Variants in MARCHF4 observed in about 807,000 individuals in gnomAD.
MARCHF4 encodes E3 ubiquitin-protein ligase MARCHF4.
In MARCHF4, 14 loss-of-function variants were observed where a neutral mutation model predicts 43.9. The observed-to-expected ratio is 0.32, with a 90% CI of 0.21 to 0.50. MARCHF4 has a LOEUF of 0.50. Among genes scored for constraint, MARCHF4 ranks in the 20% least tolerant of loss-of-function variants. The pLI, the probability that MARCHF4 is intolerant of heterozygous loss-of-function variation, is 0.98. For missense variants in MARCHF4, 468 were observed against 536.7 expected (o/e 0.87, Z 1.27); for synonymous variants, 226 against 213.3 (o/e 1.06, Z -0.52).
Position 216,369,986 on chromosome 2 carries a change from C to A in MARCHF4, c.275G>T (p.Gly92Val). Residue 92 changes from glycine (G) to valine (V), a missense_variant, in exon 1 of 4, where the codon GGC becomes GTC. Gly to Val is a moderately radical substitution (Grantham distance 109). Transcript: ENST00000273067. Reference sequence around the variant, plus strand: ...CTCCCTGCCCACCACTTCTCGGGGGCCCCTCCAGCCTGCCCACCCCCCGGC... The same window carrying A: ...CTCCCTGCCCACCACTTCTCGGGGGACCCTCCAGCCTGCCCACCCCCCGGC... ...LGAGGWAGWR[G>V]PREVVGREPP... 6.5e-7 allele frequency: 1 copy of A among 1,545,334 alleles called. No individual in the cohort carries two copies. Among genetic ancestry groups the A allele is most frequent in the Non-Finnish European group, 8.8e-7 (1 of 1,141,508 alleles).
intron 3 of MARCHF4, among the ~76,000 whole-genome samples, chr2:216,268,317 G>A (rs568940303): frequency 1.6e-3 from 244 of 152,182 alleles, no homozygotes; most frequent in Non-Finnish European, 3.2e-3. Flanking sequence ...ATTAGTAGCC[G>A]ATATGGTTTG....
chr2:216,342,864 C>T (rs547770060), intron 1 of MARCHF4, among the ~76,000 whole-genome samples: 14 of 152,196 alleles, frequency 9.2e-5, no homozygotes, highest in Admixed American at 3.3e-4. Flanking sequence ...TGGGTGGGGC[C>T]ACCAGCTGGT....
intron 1 of MARCHF4, among the ~76,000 whole-genome samples, chr2:216,287,298 A>G (rs1691231601): frequency 6.6e-6 from 1 of 151,994 alleles, no homozygotes; most frequent in African/African-American, 2.4e-5. Context: ...GCCCTAGGGT[A>G]TGGGAAAGGA....
At chr2:216,262,123 A>T (rs1690751214) in intron 3 of MARCHF4, among the ~76,000 whole-genome samples, 1 of 152,206 alleles carries the variant, frequency 6.6e-6, no homozygotes, top group South Asian at 2.1e-4. Flanking sequence ...GATAGAAGAG[A>T]TAAGAGAGGA....
intron 3 of MARCHF4, among the ~76,000 whole-genome samples, chr2:216,264,680 C>T (rs1165691440): frequency 1.3e-5 from 2 of 152,222 alleles, no homozygotes; most frequent in Non-Finnish European, 2.9e-5. Context: ...CAAATTCACT[C>T]TTTCCAGTAA....
intron 1 of MARCHF4, among the ~76,000 whole-genome samples, chr2:216,354,280 G>T (rs1031947569): frequency 3.3e-5 from 5 of 152,192 alleles, no homozygotes; most frequent in African/African-American, 1.2e-4. Context: ...CATTTCTGAT[G>T]AGGAGAATCA....
intron 3 of MARCHF4, among the ~76,000 whole-genome samples, chr2:216,273,485 C>A (rs529559738): frequency 1.3e-5 from 2 of 152,130 alleles, no homozygotes; most frequent in Non-Finnish European, 2.9e-5. Flanking sequence ...GGAGCTTGGG[C>A]TTATGGATAT....
chr2:216,350,419 C>T (rs1417176866), intron 1 of MARCHF4, among the ~76,000 whole-genome samples: 1 of 151,640 alleles, frequency 6.6e-6, no homozygotes, highest in Non-Finnish European at 1.5e-5. Context: ...CATGCCACAC[C>T]CCCTCACTAT....
intron 1 of MARCHF4, among the ~76,000 whole-genome samples, chr2:216,365,794 T>C (rs1692657391): frequency 6.6e-6 from 1 of 152,212 alleles, no homozygotes; most frequent in South Asian, 2.1e-4. Context: ...TGTCTGTGTG[T>C]TCTTGATCTC....
intron 1 of MARCHF4, among the ~76,000 whole-genome samples, chr2:216,324,238 A>G (rs1404286070): frequency 6.8e-6 from 1 of 147,992 alleles, no homozygotes; most frequent in African/African-American, 2.5e-5. Context: ...ATTCCTCGAC[A>G]CATACACTCT....
chr2:216,328,401 G>A (rs1042541902), intron 1 of MARCHF4, among the ~76,000 whole-genome samples: 1 of 152,108 alleles, frequency 6.6e-6, no homozygotes, highest in Non-Finnish European at 1.5e-5. Context: ...TCCTAACCTC[G>A]TGATTCGCCC....
chr2:216,269,336 G>A (rs1373237499), intron 3 of MARCHF4, among the ~76,000 whole-genome samples: 1 of 152,108 alleles, frequency 6.6e-6, no homozygotes, highest in East Asian at 1.9e-4. Context: ...TTTGTTTGCT[G>A]GGAGGCTCTG....
chr2:216,365,031 C>T (rs1692642911), intron 1 of MARCHF4, among the ~76,000 whole-genome samples: 1 of 152,200 alleles, frequency 6.6e-6, no homozygotes, highest in Non-Finnish European at 1.5e-5. Context: ...GGATGGGTCT[C>T]TTCTTTGTGG....
chr2:216,369,637 T>C (rs1692720708), intron 1 of MARCHF4, 108 bp downstream of exon 1: 1 of 862,572 alleles, frequency 1.2e-6, no homozygotes, highest in African/African-American at 1.7e-5. Context: ...AAACATAGAG[T>C]CCTCATACTA....
chr2:216,262,560 G>C lies in MARCHF4; in HGVS notation c.866-2881C>G, dbSNP rs189497927. ...TAGAGGATTATTGGAGTCAGTGAAT[G>C]GGGGGTGATGGTCGGAGAGTGGGAT... On this transcript the variant is annotated intron_variant, in intron 3 of 3. Coordinates refer to ENST00000273067, the MANE Select transcript of MARCHF4 (RefSeq NM_020814.3). Among the ~76,000 whole-genome samples the C allele has an allele frequency of 2.2e-3, 342 of 152,244 alleles. 1 individual carries two copies. The highest frequency in any genetic ancestry group is 3.4e-3 in the Middle Eastern group (1 of 294).
intron 1 of MARCHF4, among the ~76,000 whole-genome samples, chr2:216,315,686 A>T (rs1691762213): frequency 6.6e-6 from 1 of 152,222 alleles, no homozygotes; most frequent in Non-Finnish European, 1.5e-5. Context: ...AATACCATAT[A>T]TATGCATAGA....
At chr2:216,340,787 T>G (rs1357040306) in intron 1 of MARCHF4, among the ~76,000 whole-genome samples, 3 of 152,086 alleles carry the variant, frequency 2.0e-5, no homozygotes, top group African/African-American at 7.2e-5. Flanking sequence ...AAGGGAAGTA[T>G]AGTATATAAA....
intron 1 of MARCHF4, among the ~76,000 whole-genome samples, chr2:216,300,303 C>CAT (rs1209550310): frequency 2.8e-5 from 4 of 141,022 alleles, no homozygotes; most frequent in Middle Eastern, 3.5e-3. Flanking sequence ...TTCTTAAATG[C>CAT]ATATATATAT....
chr2:216,311,551 C>T (rs1298093481), intron 1 of MARCHF4, among the ~76,000 whole-genome samples: 1 of 152,226 alleles, frequency 6.6e-6, no homozygotes, highest in African/African-American at 2.4e-5. Context: ...AGCCACTGCA[C>T]TCGGCCGTAA....
Sources: gnomAD v4.1 joint callset for allele counts (sites outside exome capture counted in the v4.1 genomes callset) on GRCh38, gnomAD v4.1.1 for gene constraint, MANE v1.5 for transcripts, NCBI Gene and HGNC (gene_info 2026-07-23, HGNC 2026-07-21) for gene names.